CDK13: variants seen among roughly 807,000 people sequenced by gnomAD.
The protein encoded by CDK13 is cyclin-dependent kinase 13.
In CDK13, 40 loss-of-function variants were observed where a neutral mutation model predicts 137.6. The observed-to-expected ratio is 0.29, with a 90% CI of 0.23 to 0.38. The LOEUF (loss-of-function observed/expected upper bound fraction) is 0.38. CDK13 is among the 10% of genes least tolerant of loss of function. The pLI, the probability that CDK13 is intolerant of heterozygous loss-of-function variation, is 1.00. For missense variants in CDK13, 1,704 were observed against 1,951.8 expected (o/e 0.87, Z 2.39); for synonymous variants, 869 against 760.1 (o/e 1.14, Z -2.36).
At chr7:39,965,684 C>T (rs968098840) in intron 1 of CDK13, among the ~76,000 whole-genome samples, 1 of 152,136 alleles carries the variant, frequency 6.6e-6, no homozygotes, top group Admixed American at 6.5e-5. Context: ...TTATTTTGCT[C>T]ATTAGTTGAT....
intron 1 of CDK13, among the ~76,000 whole-genome samples, chr7:39,954,734 A>G (rs1787355071): frequency 6.6e-6 from 1 of 152,246 alleles, no homozygotes; most frequent in African/African-American, 2.4e-5. Context: ...AAGGAAATGC[A>G]TACACATTCA....
intron 2 of CDK13, among the ~76,000 whole-genome samples, chr7:39,994,513 T>C (rs1784523593): frequency 6.6e-6 from 1 of 152,158 alleles, no homozygotes; most frequent in Admixed American, 6.5e-5. Flanking sequence ...AACTCAAATT[T>C]CTATTTTAGG....
chr7:40,057,160 C>T (rs1212202705), intron 7 of CDK13, among the ~76,000 whole-genome samples: 1 of 152,094 alleles, frequency 6.6e-6, no homozygotes, highest in Non-Finnish European at 1.5e-5. Context: ...GAGGCTGAGG[C>T]AGGAGAATCG....
chr7:39,962,491 C>G (rs1783770572), intron 1 of CDK13, among the ~76,000 whole-genome samples: 1 of 151,946 alleles, frequency 6.6e-6, no homozygotes, highest in African/African-American at 2.4e-5. Flanking sequence ...TTGTTTTTTT[C>G]TTGTAAATTT....
At chr7:40,087,656 C>T (rs1786821666) in intron 11 of CDK13, among the ~76,000 whole-genome samples, 1 of 147,090 alleles carries the variant, frequency 6.8e-6, no homozygotes, top group African/African-American at 2.5e-5. Flanking sequence ...TCATGCCATT[C>T]TCCTGCCTCA....
intron 1 of CDK13, chr7:39,986,216 A>C (rs1395594835): frequency 6.6e-6 from 1 of 152,228 alleles, no homozygotes; most frequent in Non-Finnish European, 1.5e-5. Context: ...GAGGGCATTA[A>C]ATGAGATAAT....
At chr7:39,965,513 C>T (rs1783851126) in intron 1 of CDK13, among the ~76,000 whole-genome samples, 1 of 152,264 alleles carries the variant, frequency 6.6e-6, no homozygotes, top group African/African-American at 2.4e-5. Context: ...ATGTGTGTCT[C>T]TGCACGTGAG....
chr7:39,976,423 A>G (rs1784114347), intron 1 of CDK13, among the ~76,000 whole-genome samples: 2 of 151,930 alleles, frequency 1.3e-5, no homozygotes, highest in Admixed American at 6.6e-5. Context: ...TTGAAGTGAA[A>G]GACTTGGGTT....
chr7:40,021,114 T>TACACACACACACAC (rs1261518119), intron 5 of CDK13, among the ~76,000 whole-genome samples: 18 of 94,762 alleles, frequency 1.9e-4, no homozygotes, highest in African/African-American at 6.6e-4. Flanking sequence ...TATATATATA[T>TACACACACACACAC]ATATATATAC....
intron 5 of CDK13, among the ~76,000 whole-genome samples, chr7:40,007,299 A>G (rs891258681): frequency 6.6e-5 from 10 of 152,246 alleles, no homozygotes; most frequent in Non-Finnish European, 1.0e-4. Context: ...GGTCCGGGGA[A>G]GAAGTCCTCA....
At chr7:39,983,245 C>T (rs1299951836) in intron 1 of CDK13, among the ~76,000 whole-genome samples, 1 of 152,100 alleles carries the variant, frequency 6.6e-6, no homozygotes, top group Non-Finnish European at 1.5e-5. Flanking sequence ...TATGGCTAGC[C>T]AGTTTTCCCA....
chr7:40,094,762 A>T lies in CDK13; in HGVS notation c.4321A>T (p.Ser1441Cys). The change falls in exon 14 of 14, where the codon AGT (serine) becomes TGT (cysteine). Residue 1441 changes from serine (S) to cysteine (C), a missense_variant. Physicochemically the swap from Ser to Cys is moderately radical, Grantham distance 112. Around this residue, in one of 5 missense-constraint regions of CDK13, gnomAD observed 475 missense variants for 579.3 expected, o/e 0.82. Coordinates refer to ENST00000181839, the MANE Select transcript of CDK13 (RefSeq NM_003718.5). Reference protein sequence around the residue: ...HGPIAVLANSSDPSTGPESTH... With the variant: ...HGPIAVLANSCDPSTGPESTH... The stretch of plus-strand genomic sequence containing the variant: ...TCCTATTGCAGTCCTGGCAAACAGC[A>T]GTGACCCTTCCACGGGGCCAGAGAG... 10 of 1,613,526 alleles carry T rather than the reference A, an allele frequency of 6.2e-6. No individual in the cohort carries two copies. The highest frequency in any genetic ancestry group is 8.5e-6 in the Non-Finnish European group (10 of 1,179,714).
chr7:40,013,439 G>A (rs748933503), intron 5 of CDK13, among the ~76,000 whole-genome samples: 1 of 152,154 alleles, frequency 6.6e-6, no homozygotes, highest in Admixed American at 6.5e-5. Flanking sequence ...AAAATTAAAC[G>A]AGATGAAGTA....
At chr7:40,010,409 C>T (rs564525904) in intron 5 of CDK13, among the ~76,000 whole-genome samples, 14 of 152,278 alleles carry the variant, frequency 9.2e-5, no homozygotes, top group East Asian at 3.9e-4. Context: ...GAGGACCAGG[C>T]GTGGTGGCTC....
At position 40,035,465 on chromosome 7, in the gene CDK13, C is replaced by T. The variant is rs894330295; in HGVS notation, c.2354-10371C>T. The stretch of plus-strand genomic sequence containing the variant: ...CATAGCTCCCATAACTGCCTGAGCT[C>T]TTCCTGCTGTCAGATCAGTGACAGC... On this transcript the variant is annotated intron_variant, in intron 5 of 13. Coordinates refer to ENST00000181839, the MANE Select transcript of CDK13 (RefSeq NM_003718.5). Among the ~76,000 whole-genome samples, 3 of 152,088 alleles carry T rather than the reference C, an allele frequency of 2.0e-5. No homozygotes were observed. The South Asian group carries it at 6.2e-4, about 32-fold the overall frequency.
In CDK13 at chr7:40,098,669, T is replaced by A. The variant is rs951692299; in HGVS notation, c.*3689T>A. On this transcript the variant is annotated 3_prime_UTR_variant, in exon 14 of 14. Transcript: ENST00000181839. ...CTTAGAAAGAGGGATTGCCAGAAAC[T>A]TTGGCAGCTGGATTGCCTGTGCTTG... is the stretch of plus-strand genomic sequence containing the variant. 2.0e-5 allele frequency: 3 copies of A among 151,994 alleles called. No homozygotes were observed. Among genetic ancestry groups the A allele is most frequent in the African/African-American group, 7.2e-5 (3 of 41,410 alleles). The allele number at this position is 151,994 out of a possible 1,614,324, so 9.4% of individuals were successfully genotyped here.
intron 9 of CDK13, among the ~76,000 whole-genome samples, chr7:40,075,080 ATAAG>A (rs539543837): frequency 1.8e-3 from 274 of 152,288 alleles, no homozygotes; most frequent in African/African-American, 5.7e-3. Flanking sequence ...TTTGAGGAGA[ATAAG>A]TAAAGAGGTG....
intron 2 of CDK13, among the ~76,000 whole-genome samples, chr7:39,988,721 C>A (rs558662680): frequency 6.6e-6 from 1 of 152,066 alleles, no homozygotes; most frequent in Non-Finnish European, 1.5e-5. Flanking sequence ...TTTCTTAACT[C>A]TTTTAATTAA....
intron 5 of CDK13, among the ~76,000 whole-genome samples, chr7:40,009,418 T>G (rs1367666984): frequency 2.0e-5 from 3 of 152,260 alleles, no homozygotes; most frequent in African/African-American, 7.2e-5. Context: ...AAGCAGAGGC[T>G]TCATGTGCTA....
Sources: gnomAD v4.1 joint callset for allele counts (sites outside exome capture counted in the v4.1 genomes callset) on GRCh38, gnomAD v4.1.1 for gene constraint, gnomAD v4.1.1 regional missense constraint, MANE v1.5 for transcripts, NCBI Gene and HGNC (gene_info 2026-07-23, HGNC 2026-07-21) for gene names.